The following NEDD4 variants were observed in gnomAD, a reference collection of about 807,000 sequenced individuals.
NEDD4 encodes the protein NEDD4 E3 ubiquitin protein ligase.
In NEDD4, 99 loss-of-function variants were observed where a neutral mutation model predicts 144.9. The observed-to-expected ratio is 0.68, with a 90% confidence interval of 0.58 to 0.81. The LOEUF (loss-of-function observed/expected upper bound fraction) is 0.81. Ranked by LOEUF, NEDD4 falls within the 30% of genes least tolerant of loss-of-function variation. The probability of loss-of-function intolerance (pLI) is 0.00; values close to 1 mark genes in which losing one functional copy is unlikely to be tolerated. For synonymous variants in NEDD4, 318 were observed against 350.6 expected, an observed-to-expected ratio of 0.91 and a Z score of 1.04; for missense variants, 985 against 1,065.9, an observed-to-expected ratio of 0.92 and a Z score of 1.06.
intron 4 of NEDD4, among the ~76,000 whole-genome samples, chr15:55,927,171 A>G (rs2036690533): frequency 6.6e-6 from 1 of 151,334 alleles, no homozygotes. Context: ...TTTTGAGGAG[A>G]TGTAACTGAG....
At chr15:55,905,142 A>G (rs1182725046) in intron 5 of NEDD4, 7 of 342,988 alleles carry the variant, frequency 2.0e-5, no homozygotes, top group Non-Finnish European at 4.0e-5. Context: ...CATTTACTGC[A>G]AATGAATTAA....
rs147827846 is a variant in NEDD4 at position 55,859,213 on chromosome 15, T to C, written c.960+1194A>G. On this transcript the variant is annotated intron_variant, in intron 11 of 28. Transcript: ENST00000435532. ...TCTTCTACTCAATCTCCCTTGATGA[T>C]ACATATTAGACAGCTAGCTATGAAG... is the stretch of plus-strand genomic sequence containing the variant. 2.1e-4 allele frequency among the ~76,000 whole-genome samples: 32 copies of C among 152,350 alleles called. No individual in the cohort carries two copies. The East Asian group carries it at 4.2e-3, about 20-fold the overall frequency.
At chr15:55,925,113 T>G (rs1450891215) in intron 4 of NEDD4, among the ~76,000 whole-genome samples, 1 of 152,188 alleles carries the variant, frequency 6.6e-6, no homozygotes, top group Non-Finnish European at 1.5e-5. Context: ...GTTGCCATTT[T>G]CTAATTCCGA....
chr15:55,848,787 A>T lies in NEDD4; in HGVS notation c.1428+19T>A. On this transcript the variant is annotated intron_variant, in intron 15 of 28. Transcript: ENST00000435532. ...TTGAGATAGCCAAGTTAGATGGGTT[A>T]GCATTTCTATACACTTACAGGTAAA... The T allele has an allele frequency of 6.2e-7, 1 of 1,602,988 alleles. No individual in the cohort carries two copies. The highest frequency in any genetic ancestry group is 8.5e-7 in the Non-Finnish European group (1 of 1,170,674).
At position 55,860,669 on chromosome 15, in the gene NEDD4, A is replaced by G. The variant is rs1566916247; in HGVS notation, c.784T>C (p.Ser262Pro). Residue 262 changes from serine (S) to proline (P), a missense_variant, in exon 10 of 29, where the codon TCT becomes CCT. Coordinates refer to ENST00000435532, the MANE Select transcript of NEDD4 (RefSeq NM_006154.4). Reference sequence around the variant, plus strand: ...TAGGAAACTACTTATACCTCGGAAGACTCTCGGTTGTCAACACTTTCTGTT... The same window carrying G: ...TAGGAAACTACTTATACCTCGGAAGGCTCTCGGTTGTCAACACTTTCTGTT... ...EETESVDNRE[S>P]SENWEIIRED... The G allele has an allele frequency of 8.7e-6, 14 of 1,613,634 alleles. No individual in the cohort carries two copies. Among genetic ancestry groups the G allele is most frequent in the Non-Finnish European group, 1.2e-5 (14 of 1,179,892 alleles).
intron 5 of NEDD4, among the ~76,000 whole-genome samples, chr15:55,886,792 A>G (rs2142107658): frequency 6.6e-6 from 1 of 152,072 alleles, no homozygotes; most frequent in East Asian, 1.9e-4. Context: ...AATATCAAAT[A>G]TCTTCTCTGA....
chr15:55,960,324 C>G (rs1377467856), intron 2 of NEDD4, among the ~76,000 whole-genome samples: 1 of 152,194 alleles, frequency 6.6e-6, no homozygotes, highest in African/African-American at 2.4e-5. Context: ...TGGGCACCAT[C>G]TAATCAGCTG....
intron 5 of NEDD4, among the ~76,000 whole-genome samples, chr15:55,889,592 A>G (rs1050833947): frequency 2.0e-5 from 3 of 152,230 alleles, no homozygotes; most frequent in Non-Finnish European, 4.4e-5. Flanking sequence ...GGTAGGGAGA[A>G]GTAGAGATAA....
intron 5 of NEDD4, among the ~76,000 whole-genome samples, chr15:55,909,581 C>T (rs2036205072): frequency 6.6e-6 from 1 of 152,200 alleles, no homozygotes; most frequent in South Asian, 2.1e-4. Flanking sequence ...CTGCTAACCA[C>T]CTTCCTGACC....
intron 4 of NEDD4, among the ~76,000 whole-genome samples, chr15:55,951,134 TAAGA>T (rs2037230091): frequency 6.6e-6 from 1 of 152,148 alleles, no homozygotes; most frequent in African/African-American, 2.4e-5. Context: ...TCAACTGGAG[TAAGA>T]CTACTGTACA....
chr15:55,973,475 G>A (rs2037645975), intron 1 of NEDD4, among the ~76,000 whole-genome samples: 1 of 152,152 alleles, frequency 6.6e-6, no homozygotes, highest in African/African-American at 2.4e-5. Flanking sequence ...AAGAGTTGAG[G>A]CTGCAAGGAG....
intron 4 of NEDD4, among the ~76,000 whole-genome samples, chr15:55,948,852 T>C (rs1406935183): frequency 6.6e-6 from 1 of 152,192 alleles, no homozygotes. Context: ...ATAAGAACCG[T>C]AGAAGAAAAC....
intron 1 of NEDD4, among the ~76,000 whole-genome samples, chr15:55,978,595 T>A (rs2037744185): frequency 6.6e-6 from 1 of 152,166 alleles, no homozygotes; most frequent in Non-Finnish European, 1.5e-5. Flanking sequence ...AATAAAAAAG[T>A]AACAAAAGTT....
chr15:55,957,582 G>C (rs140925989), intron 2 of NEDD4, among the ~76,000 whole-genome samples: 140 of 152,150 alleles, frequency 9.2e-4, no homozygotes, highest in African/African-American at 3.2e-3. Flanking sequence ...CAAGGATCTA[G>C]AACTAGAAAT....
At chr15:55,968,137 A>T (rs1161526667) in intron 1 of NEDD4, among the ~76,000 whole-genome samples, 1 of 152,132 alleles carries the variant, frequency 6.6e-6, no homozygotes, top group Non-Finnish European at 1.5e-5. Context: ...TACTATTCCC[A>T]TTCTCCCTTC....
chr15:55,962,320 T>C (rs2142322284), intron 2 of NEDD4, among the ~76,000 whole-genome samples: 1 of 152,354 alleles, frequency 6.6e-6, no homozygotes, highest in Non-Finnish European at 1.5e-5. Flanking sequence ...GTTTTTTAAT[T>C]TATCCTAACA....
intron 5 of NEDD4, chr15:55,917,247 C>CAACAGTATTTTTTCA: frequency 3.9e-6 from 3 of 763,370 alleles, no homozygotes. Context: ...TATTTTTTCA[C>CAACAGTATTTTTTCA]CCCAGCTCTA....
Position 55,847,052 on chromosome 15 carries a change from G to T in NEDD4, c.1543-18C>A. On this transcript the variant is annotated intron_variant, in intron 17 of 28. Coordinates refer to ENST00000435532, the MANE Select transcript of NEDD4 (RefSeq NM_006154.4). ...GGCACTGCCTTTAGTTGGAAATTTTGGAAAAATAAAGAAGTTTAGGTTGTT... is the reference window on the plus strand; with the variant it reads ...GGCACTGCCTTTAGTTGGAAATTTTTGAAAAATAAAGAAGTTTAGGTTGTT... 1 of 1,562,806 alleles carries T rather than the reference G, an allele frequency of 6.4e-7. No individual in the cohort carries two copies. Among genetic ancestry groups the T allele is most frequent in the South Asian group, 1.2e-5 (1 of 84,870 alleles).
intron 5 of NEDD4, among the ~76,000 whole-genome samples, chr15:55,875,371 G>A (rs142651788): frequency 6.6e-6 from 1 of 152,138 alleles, no homozygotes; most frequent in Non-Finnish European, 1.5e-5. Context: ...GTGCAGTGGT[G>A]CAATCACAGC....
Sources: allele counts gnomAD v4.1 joint callset (sites outside exome capture counted in the v4.1 genomes callset), GRCh38; gene constraint gnomAD v4.1.1; transcripts MANE v1.5; gene names NCBI Gene and HGNC (gene_info 2026-07-23, HGNC 2026-07-21).